Variants in NAALADL2 observed in about 807,000 individuals in gnomAD.
NAALADL2 encodes the protein inactive N-acetylated-alpha-linked acidic dipeptidase-like protein 2.
A neutral mutation model predicts 87.2 loss-of-function variants in NAALADL2; 76 were observed. That is an observed-to-expected ratio of 0.87 (90% CI 0.72 to 1.05). The LOEUF (loss-of-function observed/expected upper bound fraction) is 1.05. NAALADL2 is among the 50% of genes least tolerant of loss of function. The pLI is 0.00. For synonymous variants in NAALADL2, 354 were observed against 331.0 expected (o/e 1.07, Z -0.75); for missense variants, 1,089 against 945.8 (o/e 1.15, Z -1.99).
chr3:175,544,773 A>C (rs1239675928), intron 9 of NAALADL2, among the ~76,000 whole-genome samples: 12 of 151,968 alleles, frequency 7.9e-5, no homozygotes, highest in Non-Finnish European at 1.2e-4. Context: ...CATTATGTCC[A>C]AGTCGATGCC....
chr3:174,723,903 C>A (rs989215894), intron 2 of NAALADL2, among the ~76,000 whole-genome samples: 1 of 151,732 alleles, frequency 6.6e-6, no homozygotes, highest in Non-Finnish European at 1.5e-5. Flanking sequence ...GGTTTGGCCG[C>A]TATTAGTACG....
chr3:174,924,313 T>C (rs1050842749), intron 1 of NAALADL2, among the ~76,000 whole-genome samples: 1 of 150,102 alleles, frequency 6.7e-6, no homozygotes, highest in African/African-American at 2.5e-5. Flanking sequence ...CATGTGGTGT[T>C]TGGTTTTTTG....
intron 2 of NAALADL2, among the ~76,000 whole-genome samples, chr3:174,615,344 A>G (rs1720351408): frequency 6.6e-6 from 1 of 152,148 alleles, no homozygotes; most frequent in African/African-American, 2.4e-5. Context: ...CTCTGCCCCA[A>G]GCTTTTCTGC....
chr3:175,069,018 G>T (rs1386214131), intron 1 of NAALADL2, among the ~76,000 whole-genome samples: 1 of 152,020 alleles, frequency 6.6e-6, no homozygotes, highest in Non-Finnish European at 1.5e-5. Flanking sequence ...ATTCAAGATG[G>T]ATTAAAGACT....
intron 4 of NAALADL2, among the ~76,000 whole-genome samples, chr3:175,321,936 C>A (rs1477142255): frequency 6.7e-6 from 1 of 150,334 alleles, no homozygotes; most frequent in African/African-American, 2.5e-5. Context: ...AGATTCAATG[C>A]CATCCCCATC....
At chr3:175,451,451 G>T (rs1329156570) in intron 6 of NAALADL2, among the ~76,000 whole-genome samples, 1 of 151,976 alleles carries the variant, frequency 6.6e-6, no homozygotes. Context: ...CTTTTTCTTT[G>T]TAGACCTGAC....
intron 1 of NAALADL2, among the ~76,000 whole-genome samples, chr3:174,458,213 A>G (rs1320626352): frequency 6.6e-6 from 1 of 152,170 alleles, no homozygotes; most frequent in Non-Finnish European, 1.5e-5. Context: ...TAAGAAAAAG[A>G]TAGCATGTGG....
intron 3 of NAALADL2, among the ~76,000 whole-genome samples, chr3:174,841,915 T>C (rs1184028190): frequency 6.6e-6 from 1 of 152,122 alleles, no homozygotes; most frequent in Non-Finnish European, 1.5e-5. Flanking sequence ...TCTTGAGGGG[T>C]TTTTGCCGAA....
intron 2 of NAALADL2, among the ~76,000 whole-genome samples, chr3:174,575,717 G>A (rs1402431179): frequency 6.6e-6 from 1 of 152,062 alleles, no homozygotes; most frequent in Non-Finnish European, 1.5e-5. Context: ...AGTTTATTTG[G>A]AAGAGGAATG....
intron 3 of NAALADL2, among the ~76,000 whole-genome samples, chr3:174,773,942 C>A (rs917480337): frequency 1.3e-5 from 2 of 152,052 alleles, no homozygotes; most frequent in African/African-American, 2.4e-5. Flanking sequence ...GAAATTCTTT[C>A]TTTTTCAGTT....
chr3:174,720,891 C>T (rs1409347189), intron 2 of NAALADL2, among the ~76,000 whole-genome samples: 2 of 152,096 alleles, frequency 1.3e-5, no homozygotes, highest in African/African-American at 4.8e-5. Flanking sequence ...TCTTAGAGAC[C>T]ATAAAATGAA....
chr3:174,997,166 A>G (rs536528634), intron 1 of NAALADL2, among the ~76,000 whole-genome samples: 1 of 152,052 alleles, frequency 6.6e-6, no homozygotes, highest in African/African-American at 2.4e-5. Context: ...TCTTTTTCAT[A>G]TAATGACTTT....
intron 1 of NAALADL2, among the ~76,000 whole-genome samples, chr3:175,054,227 C>G (rs1013457174): frequency 4.6e-5 from 7 of 152,310 alleles, no homozygotes; most frequent in African/African-American, 1.4e-4. Flanking sequence ...GAATAAGAAG[C>G]TTTACTGTTG....
At chr3:174,788,867 G>C (rs1050319348) in intron 3 of NAALADL2, among the ~76,000 whole-genome samples, 3 of 152,120 alleles carry the variant, frequency 2.0e-5, no homozygotes, top group Non-Finnish European at 4.4e-5. Flanking sequence ...AAATTGCAGG[G>C]CCCTCTCATT....
chr3:174,496,273 T>G (rs1012389711), intron 1 of NAALADL2, among the ~76,000 whole-genome samples: 5 of 152,172 alleles, frequency 3.3e-5, no homozygotes, highest in Non-Finnish European at 7.3e-5. Flanking sequence ...GCACTGAATA[T>G]GCTAAGGAGA....
intron 3 of NAALADL2, among the ~76,000 whole-genome samples, chr3:174,832,682 G>T (rs1268861587): frequency 6.6e-6 from 1 of 152,070 alleles, no homozygotes; most frequent in African/African-American, 2.4e-5. Context: ...TAGCCAAGAT[G>T]GTCTCGATCT....
At chr3:175,616,269 TTTAA>T (rs1399110299) in intron 10 of NAALADL2, among the ~76,000 whole-genome samples, 4 of 144,616 alleles carry the variant, frequency 2.8e-5, no homozygotes, top group Non-Finnish European at 6.0e-5. Context: ...TCCATTTATA[TTTAA>T]TTATAAATAT....
intron 11 of NAALADL2, chr3:175,718,733 C>T (rs1741759254): frequency 8.3e-7 from 1 of 1,204,916 alleles, no homozygotes; most frequent in Admixed American, 2.0e-5. Flanking sequence ...CAAGACCAAC[C>T]TGGGCAACAT....
chr3:175,709,633 T>TAGC, intron 11 of NAALADL2, among the ~76,000 whole-genome samples: 1 of 145,086 alleles, frequency 6.9e-6, no homozygotes, highest in African/African-American at 2.7e-5. Context: ...ATTCTCTTTG[T>TAGC]ATATGATATT....
Sources: allele counts gnomAD v4.1 joint callset (sites outside exome capture counted in the v4.1 genomes callset), GRCh38; gene constraint gnomAD v4.1.1; transcripts MANE v1.5; gene names NCBI Gene and HGNC (gene_info 2026-07-23, HGNC 2026-07-21).